The following TAFA4 variants were observed in gnomAD, a reference collection of about 807,000 sequenced individuals.
TAFA4 encodes chemokine-like protein TAFA-4.
TAFA4 carries 20 observed loss-of-function variants against 21.1 expected under a neutral mutation model. The ratio of observed to expected loss-of-function variants is 0.95; its 90% confidence interval spans 0.67 to 1.38. The LOEUF (loss-of-function observed/expected upper bound fraction) is 1.38. TAFA4 is among the 40% of genes most tolerant of loss of function. The pLI is 0.00. For synonymous variants in TAFA4, 71 were observed against 67.4 expected (o/e 1.05, Z -0.26); for missense variants, 211 against 180.9 (o/e 1.17, Z -0.95).
rs1266906476 is a variant in TAFA4, at chr3:68,783,703, G to GAAAGA, written c.131-30686_131-30685insTCTTT. Among the ~76,000 whole-genome samples the GAAAGA allele has an allele frequency of 1.3e-4, 12 of 89,450 alleles. No individual in the cohort carries two copies. The East Asian group carries it at 3.1e-3, about 23-fold the overall frequency. The allele number at this position is 89,450 out of a possible 152,430, so 58.7% of individuals were successfully genotyped here. A position where few individuals can be genotyped will look rare whatever the true frequency, so the allele number is the denominator to read the frequency against. On this transcript the variant is annotated intron_variant, in intron 3 of 5. Transcript: ENST00000295569. ...AGAGAGAGAGAGAGAGAGAGAGAGAGAGAGAAAGAAAAAGAAAGAAAGAAA... is the reference window on the plus strand; with the variant it reads ...AGAGAGAGAGAGAGAGAGAGAGAGAGAAAGAAGAGAAAGAAAAAGAAAGAAAGAAA...
At chr3:68,736,232 C>G (rs186240408) in intron 5 of TAFA4, among the ~76,000 whole-genome samples, 1 of 151,608 alleles carries the variant, frequency 6.6e-6, no homozygotes, top group Non-Finnish European at 1.5e-5. Context: ...TTTAGCTCAC[C>G]GAATGCAGCA....
chr3:68,746,918 C>A (rs367832448), intron 4 of TAFA4, among the ~76,000 whole-genome samples: 1 of 152,178 alleles, frequency 6.6e-6, no homozygotes, highest in African/African-American at 2.4e-5. Flanking sequence ...GGCGGTCAAT[C>A]CTGTACATTG....
intron 1 of TAFA4, among the ~76,000 whole-genome samples, chr3:68,894,648 G>T (rs1419101180): frequency 6.6e-6 from 1 of 152,128 alleles, no homozygotes; most frequent in Non-Finnish European, 1.5e-5. Flanking sequence ...AAACACACAA[G>T]GAGCAGCCAA....
intron 3 of TAFA4, among the ~76,000 whole-genome samples, chr3:68,878,988 A>G (rs2089585094): frequency 6.6e-6 from 1 of 152,154 alleles, no homozygotes; most frequent in Non-Finnish European, 1.5e-5. Context: ...TTAGCCAGGT[A>G]GGTGGAGATA....
chr3:68,860,768 G>T (rs1241082634), intron 3 of TAFA4, among the ~76,000 whole-genome samples: 2 of 152,156 alleles, frequency 1.3e-5, no homozygotes, highest in East Asian at 3.9e-4. Context: ...AAAATTAAAT[G>T]AAGATTTTAA....
chr3:68,914,567 G>C (rs1488508160), intron 1 of TAFA4, among the ~76,000 whole-genome samples: 1 of 152,142 alleles, frequency 6.6e-6, no homozygotes, highest in African/African-American at 2.4e-5. Context: ...TTTAAATTGT[G>C]ATGCATTCGT....
chr3:68,778,941 G>A (rs890648557), intron 3 of TAFA4, among the ~76,000 whole-genome samples: 1 of 152,226 alleles, frequency 6.6e-6, no homozygotes, highest in Non-Finnish European at 1.5e-5. Flanking sequence ...AAGAAGACAG[G>A]AAAATGTGGG....
chr3:68,917,844 A>G (rs146696830), intron 1 of TAFA4, among the ~76,000 whole-genome samples: 114 of 152,122 alleles, frequency 7.5e-4, no homozygotes, highest in Middle Eastern at 3.4e-3. Flanking sequence ...TCTGAATTCA[A>G]CACTTCTGAG....
intron 3 of TAFA4, among the ~76,000 whole-genome samples, chr3:68,864,160 A>G (rs1472473074): frequency 6.6e-6 from 1 of 152,202 alleles, no homozygotes; most frequent in Non-Finnish European, 1.5e-5. Flanking sequence ...GAGTGAAAAG[A>G]TAAGCCACAT....
intron 3 of TAFA4, among the ~76,000 whole-genome samples, chr3:68,783,227 T>G (rs898429177): frequency 2.6e-5 from 4 of 152,184 alleles, no homozygotes; most frequent in African/African-American, 9.7e-5. Flanking sequence ...AAAGCAGGAA[T>G]ATTTGCTCTC....
At chr3:68,735,775 G>A (rs1188062889) in intron 5 of TAFA4, among the ~76,000 whole-genome samples, 1 of 151,922 alleles carries the variant, frequency 6.6e-6, no homozygotes. Flanking sequence ...AATCAAGTAG[G>A]AAGTTTGCAA....
intron 3 of TAFA4, among the ~76,000 whole-genome samples, chr3:68,848,827 C>T (rs954131742): frequency 8.5e-5 from 13 of 152,124 alleles, no homozygotes; most frequent in Non-Finnish European, 1.9e-4. Context: ...ACATGCACAG[C>T]TCCTGGTGCA....
chr3:68,811,097 C>T (rs1302800298), intron 3 of TAFA4, among the ~76,000 whole-genome samples: 1 of 152,214 alleles, frequency 6.6e-6, no homozygotes, highest in Non-Finnish European at 1.5e-5. Context: ...TCCAACAGAC[C>T]TGCAGCTGAG....
At chr3:68,771,354 G>C (rs903192352) in intron 3 of TAFA4, among the ~76,000 whole-genome samples, 1 of 152,184 alleles carries the variant, frequency 6.6e-6, no homozygotes, top group African/African-American at 2.4e-5. Context: ...CTGGGGCTTC[G>C]GGAATCGCAG....
At chr3:68,737,523 C>T (rs1318954573) in intron 5 of TAFA4, among the ~76,000 whole-genome samples, 1 of 152,094 alleles carries the variant, frequency 6.6e-6, no homozygotes, top group African/African-American at 2.4e-5. Flanking sequence ...TGAAAATGGT[C>T]TGGTTTTACC....
chr3:68,777,632 ACTACT>A (rs886642868), intron 3 of TAFA4, among the ~76,000 whole-genome samples: 19 of 152,122 alleles, frequency 1.2e-4, no homozygotes, highest in African/African-American at 4.6e-4. Context: ...AATCATAAAA[ACTACT>A]CAATTCAAAA....
At chr3:68,743,501 G>A (rs1482951012) in intron 4 of TAFA4, among the ~76,000 whole-genome samples, 4 of 151,578 alleles carry the variant, frequency 2.6e-5, no homozygotes, top group East Asian at 2.0e-4. Context: ...ACTTGAGCCC[G>A]GGAGGCAGAG....
At chr3:68,874,565 G>C (rs2089524273) in intron 3 of TAFA4, among the ~76,000 whole-genome samples, 1 of 152,070 alleles carries the variant, frequency 6.6e-6, no homozygotes, top group South Asian at 2.1e-4. Flanking sequence ...TGAGTCTAAG[G>C]CCGTGGCTTG....
intron 3 of TAFA4, among the ~76,000 whole-genome samples, chr3:68,813,822 C>A (rs1703899031): frequency 6.6e-6 from 1 of 152,068 alleles, no homozygotes; most frequent in African/African-American, 2.4e-5. Flanking sequence ...TTTATGAGGA[C>A]AGCATCATCC....
Sources: allele counts gnomAD v4.1 joint callset (sites outside exome capture counted in the v4.1 genomes callset), GRCh38; gene constraint gnomAD v4.1.1; transcripts MANE v1.5; gene names NCBI Gene and HGNC (gene_info 2026-07-23, HGNC 2026-07-21).